GPHN: variants seen among roughly 807,000 people sequenced by gnomAD.
The protein encoded by GPHN is gephyrin.
A neutral mutation model predicts 95.5 loss-of-function variants in GPHN; 17 were observed. That is an observed-to-expected ratio of 0.18 (90% CI 0.12 to 0.27). GPHN has a LOEUF of 0.27. Among genes scored for constraint, GPHN ranks in the 10% least tolerant of loss-of-function variants. The pLI is 1.00. For synonymous variants in GPHN, 320 were observed against 322.5 expected (o/e 0.99, Z 0.08); for missense variants, 660 against 978.1 (o/e 0.67, Z 4.34).
chr14:67,084,784 ATACT>A (rs948249746), intron 11 of GPHN, among the ~76,000 whole-genome samples: 1 of 152,196 alleles, frequency 6.6e-6, no homozygotes, highest in Non-Finnish European at 1.5e-5. Context: ...AGAATGCATG[ATACT>A]TACTAGGAGG....
intron 3 of GPHN, among the ~76,000 whole-genome samples, chr14:66,800,324 T>TA: frequency 6.6e-6 from 1 of 152,122 alleles, no homozygotes; most frequent in East Asian, 1.9e-4. Flanking sequence ...GGTGATTACT[T>TA]ACTGCTTTTT....
chr14:67,177,131 A>T (rs1484818198), intron 21 of GPHN, among the ~76,000 whole-genome samples: 1 of 151,874 alleles, frequency 6.6e-6, no homozygotes, highest in African/African-American at 2.4e-5. Context: ...TTTTGAATTT[A>T]TTTCCTCTTA....
chr14:66,798,721 G>A (rs1286886473), intron 3 of GPHN, among the ~76,000 whole-genome samples: 1 of 150,880 alleles, frequency 6.6e-6, no homozygotes. Context: ...TAGTTAATGT[G>A]GCTAATGGTT....
the GPHN span, among the ~76,000 whole-genome samples, chr14:67,281,810 A>ATT: frequency 4.0e-4 from 59 of 146,944 alleles, no homozygotes; most frequent in East Asian, 2.7e-3. Context: ...ATTTCTCTTA[A>ATT]TTTTTTTTTT....
chr14:67,098,259 G>A (rs887316295), intron 12 of GPHN, among the ~76,000 whole-genome samples: 1 of 152,116 alleles, frequency 6.6e-6, no homozygotes, highest in Non-Finnish European at 1.5e-5. Context: ...TCTCTCTCCA[G>A]CCCTTAGTTT....
At chr14:67,580,650 C>T in the GPHN span, among the ~76,000 whole-genome samples, 1 of 152,166 alleles carries the variant, frequency 6.6e-6, no homozygotes, top group African/African-American at 2.4e-5. Flanking sequence ...AGCTGGTGTT[C>T]GAAGGCCATG....
intron 18 of GPHN, among the ~76,000 whole-genome samples, chr14:67,152,423 A>G (rs1041468302): frequency 6.6e-6 from 1 of 152,140 alleles, no homozygotes; most frequent in East Asian, 1.9e-4. Flanking sequence ...TATGAATCTC[A>G]TAAATATATA....
chr14:67,188,837 CTTTTCTTTCT>C, the GPHN span, among the ~76,000 whole-genome samples: 702 of 145,922 alleles, frequency 4.8e-3, 2 homozygotes, highest in Admixed American at 7.5e-3. Context: ...TTCTTTCTTT[CTTTTCTTTCT>C]TTTTCTTTCT....
chr14:66,558,661 C>G (rs1730632840), intron 1 of GPHN, among the ~76,000 whole-genome samples: 1 of 151,994 alleles, frequency 6.6e-6, no homozygotes, highest in African/African-American at 2.4e-5. Flanking sequence ...ATATAGAGTT[C>G]ATTCTGTAAA....
At chr14:67,609,836 C>G in the GPHN span, among the ~76,000 whole-genome samples, 946 of 152,262 alleles carry the variant, frequency 6.2e-3, 7 homozygotes, top group Middle Eastern at 0.02. Context: ...ACTAAAGGGA[C>G]TGGTAGCTCC....
At chr14:67,600,186 G>A in the GPHN span, 5 of 1,583,482 alleles carry the variant, frequency 3.2e-6, no homozygotes, top group Non-Finnish European at 4.3e-6. Context: ...TATCCGAAAA[G>A]CTCCGCTCAT....
At chr14:66,646,924 TCTCA>T (rs2064780883) in intron 1 of GPHN, among the ~76,000 whole-genome samples, 2 of 152,060 alleles carry the variant, frequency 1.3e-5, no homozygotes, top group Admixed American at 6.6e-5. Context: ...AGTGACACGG[TCTCA>T]CTCTGTCACC....
Position 67,180,946 on chromosome 14 carries a change from A to G in GPHN, c.*9A>G. 6.2e-7 allele frequency: 1 copy of G among 1,613,832 alleles called. No individual in the cohort carries two copies. The highest frequency in any genetic ancestry group is 8.5e-7 in the Non-Finnish European group (1 of 1,179,806). ...TCATTGGACGGCTATGATGGTCACC[A>G]GCAGGAGAAAGCTTTGATGCATGTC... On this transcript the variant is annotated 3_prime_UTR_variant, in exon 23 of 23. Transcript: ENST00000478722.
At chr14:67,257,251 G>A in the GPHN span, among the ~76,000 whole-genome samples, 1 of 152,176 alleles carries the variant, frequency 6.6e-6, no homozygotes, top group Non-Finnish European at 1.5e-5. Context: ...GGCAGAGGAA[G>A]CAATCAGATA....
chr14:67,431,856 T>C, the GPHN span, among the ~76,000 whole-genome samples: 4 of 152,232 alleles, frequency 2.6e-5, no homozygotes, highest in South Asian at 8.3e-4. Flanking sequence ...GATGTCATCT[T>C]TGGGTGAGCT....
At chr14:66,708,355 C>T (rs2069289383) in intron 2 of GPHN, among the ~76,000 whole-genome samples, 1 of 152,102 alleles carries the variant, frequency 6.6e-6, no homozygotes, top group Non-Finnish European at 1.5e-5. Flanking sequence ...TATTCAATCT[C>T]CATGCTTCCA....
Position 67,126,259 on chromosome 14 carries a change from G to A in GPHN, c.1748+3882G>A, listed in dbSNP as rs554685138. The stretch of plus-strand genomic sequence containing the variant: ...CCAGAGATATTAAGTAACTTGCCCA[G>A]CATTATACTACTAGTTAGTGGCAGA... On this transcript the variant is annotated intron_variant, in intron 17 of 22. Transcript: ENST00000478722. Among the ~76,000 whole-genome samples, 6 of 152,202 alleles carry A rather than the reference G, an allele frequency of 3.9e-5. 1 individual carries two copies. The highest frequency in any genetic ancestry group is 4.1e-4 in the South Asian group (2 of 4,820).
At chr14:66,842,176 G>A (rs1240670754) in intron 4 of GPHN, among the ~76,000 whole-genome samples, 1 of 150,806 alleles carries the variant, frequency 6.6e-6, no homozygotes, top group African/African-American at 2.4e-5. Flanking sequence ...ACATATAAAT[G>A]GAATTAAAAT....
rs576374058 is a variant in GPHN at position 66,516,814 on chromosome 14, T to A, written c.64+8223T>A. Among the ~76,000 whole-genome samples, 3 of 152,228 alleles carry A rather than the reference T, an allele frequency of 2.0e-5. No homozygotes were observed. In the East Asian group the frequency reaches 5.8e-4, roughly 29 times the overall value. On this transcript the variant is annotated intron_variant, in intron 1 of 22. Transcript: ENST00000478722. ...ATAATCTTTAAAGTCTAATTAATGGTTAAGAACTGTTGGATATCTTATAAA... is the reference window on the plus strand; with the variant it reads ...ATAATCTTTAAAGTCTAATTAATGGATAAGAACTGTTGGATATCTTATAAA...
Sources: gnomAD v4.1 joint callset for allele counts (sites outside exome capture counted in the v4.1 genomes callset) on GRCh38, gnomAD v4.1.1 for gene constraint, MANE v1.5 for transcripts, NCBI Gene and HGNC (gene_info 2026-07-23, HGNC 2026-07-21) for gene names.